FOXN3: variants seen among roughly 807,000 people sequenced by gnomAD.
FOXN3 encodes forkhead box N3, also known as forkhead box protein N3.
A neutral mutation model predicts 38.4 loss-of-function variants in FOXN3; 7 were observed. The observed-to-expected ratio is 0.18, with a 90% confidence interval of 0.10 to 0.34. FOXN3 has a LOEUF of 0.34. Among genes scored for constraint, FOXN3 ranks in the 10% least tolerant of loss-of-function variants. The pLI is 1.00. For synonymous variants in FOXN3, 230 were observed against 242.2 expected (o/e 0.95, Z 0.47); for missense variants, 456 against 613.4 (o/e 0.74, Z 2.71).
At chr14:89,611,618 A>T (rs543476446) in intron 1 of FOXN3, among the ~76,000 whole-genome samples, 44 of 152,068 alleles carry the variant, frequency 2.9e-4, no homozygotes, top group Admixed American at 2.4e-3. Context: ...CATCCTGGTT[A>T]ACACGGTGAA....
At chr14:89,316,078 G>A (rs948619045) in intron 3 of FOXN3, among the ~76,000 whole-genome samples, 1 of 152,194 alleles carries the variant, frequency 6.6e-6, no homozygotes, top group Non-Finnish European at 1.5e-5. Context: ...AATCTGGCTT[G>A]GCCTCTTGAC....
At chr14:89,251,959 A>C (rs1885470492) in intron 4 of FOXN3, among the ~76,000 whole-genome samples, 1 of 152,254 alleles carries the variant, frequency 6.6e-6, no homozygotes, top group Non-Finnish European at 1.5e-5. Context: ...CTTTGCGATA[A>C]ACTAGCTACA....
rs79944894 is a variant in FOXN3, at chr14:89,227,996, C to G, written c.746-47190G>C. On this transcript the variant is annotated intron_variant, in intron 4 of 5. Coordinates refer to ENST00000557258, the MANE Select transcript of FOXN3 (RefSeq NM_005197.4). ...CTCAAGCAATCTTCCCACCTCAGCC[C>G]CCCAAAGTGCTAGTATCACAGGAAT... is the stretch of plus-strand genomic sequence containing the variant. Among the ~76,000 whole-genome samples, 1,167 of 152,294 alleles carry G rather than the reference C, an allele frequency of 7.7e-3. 21 individuals carry two copies. The highest frequency in any genetic ancestry group is 0.027 in the African/African-American group (1,130 of 41,548).
intron 3 of FOXN3, among the ~76,000 whole-genome samples, chr14:89,312,424 T>A (rs772651582): frequency 4.0e-5 from 6 of 150,408 alleles, no homozygotes; most frequent in Non-Finnish European, 5.9e-5. Context: ...CAAAAAAAAA[T>A]CTCTATCAAT....
At chr14:89,432,826 T>G (rs4899993) in intron 1 of FOXN3, among the ~76,000 whole-genome samples, 103,543 of 151,998 alleles carry the variant, frequency 0.68, 35,989 homozygotes, top group Admixed American at 0.79. Context: ...GAGTTTTGCA[T>G]AGCATTCTTC....
At chr14:89,327,274 C>A (rs886167726) in intron 3 of FOXN3, among the ~76,000 whole-genome samples, 1 of 152,104 alleles carries the variant, frequency 6.6e-6, no homozygotes, top group Non-Finnish European at 1.5e-5. Flanking sequence ...ATTTATCTAC[C>A]ATTATTATAT....
chr14:89,471,159 T>A (rs1893087173), intron 1 of FOXN3, among the ~76,000 whole-genome samples: 2 of 152,258 alleles, frequency 1.3e-5, no homozygotes, highest in South Asian at 4.1e-4. Flanking sequence ...GTATGTTTGC[T>A]TGAGTGGCTT....
At chr14:89,258,857 C>T (rs976715761) in intron 4 of FOXN3, among the ~76,000 whole-genome samples, 1 of 152,194 alleles carries the variant, frequency 6.6e-6, no homozygotes, top group Admixed American at 6.5e-5. Flanking sequence ...CAGGCTCATT[C>T]GTCCACACCC....
chr14:89,363,990 T>TATATA (rs1890046505), intron 2 of FOXN3, among the ~76,000 whole-genome samples: 21 of 76,822 alleles, frequency 2.7e-4, no homozygotes, highest in African/African-American at 1.3e-3. Flanking sequence ...ATATATATAA[T>TATATA]ATATATATAT....
chr14:89,291,334 G>A, intron 3 of FOXN3: 1 of 550,334 alleles, frequency 1.8e-6, no homozygotes, highest in Admixed American at 2.0e-5. Flanking sequence ...TTGGTCATGA[G>A]ATGCCATCAG....
chr14:89,248,722 C>T (rs1483317690), intron 4 of FOXN3, among the ~76,000 whole-genome samples: 1 of 152,182 alleles, frequency 6.6e-6, no homozygotes, highest in African/African-American at 2.4e-5. Flanking sequence ...ACTTCCTCCG[C>T]TATAGACATG....
intron 1 of FOXN3, among the ~76,000 whole-genome samples, chr14:89,496,503 TG>T (rs369364241): frequency 1.3e-5 from 2 of 151,912 alleles, no homozygotes; most frequent in Admixed American, 1.3e-4. Context: ...GAAAGATACC[TG>T]GGGGGGTCCT....
At chr14:89,463,979 T>TCA (rs932694365) in intron 1 of FOXN3, among the ~76,000 whole-genome samples, 3 of 152,196 alleles carry the variant, frequency 2.0e-5, no homozygotes, top group Non-Finnish European at 2.9e-5. Context: ...AGGTGGGGTT[T>TCA]CACCATGTTG....
chr14:89,272,376 T>C (rs1451645843), intron 4 of FOXN3, among the ~76,000 whole-genome samples: 1 of 152,088 alleles, frequency 6.6e-6, no homozygotes, highest in Non-Finnish European at 1.5e-5. Context: ...CTGTACACTG[T>C]AAAATCATTA....
chr14:89,402,313 T>C (rs1164078501), intron 2 of FOXN3, among the ~76,000 whole-genome samples: 2 of 152,220 alleles, frequency 1.3e-5, no homozygotes, highest in Non-Finnish European at 2.9e-5. Flanking sequence ...AAGTTTTCCA[T>C]TTAGCATCCT....
chr14:89,473,793 T>C (rs1432375807), intron 1 of FOXN3, among the ~76,000 whole-genome samples: 1 of 152,234 alleles, frequency 6.6e-6, no homozygotes, highest in Non-Finnish European at 1.5e-5. Flanking sequence ...TCTTTGAACA[T>C]TACCATGGGT....
chr14:89,430,958 C>T lies in FOXN3; in HGVS notation c.-14-18468G>A, dbSNP rs576585274. 4.6e-5 allele frequency among the ~76,000 whole-genome samples: 7 copies of T among 152,318 alleles called. No individual in the cohort carries two copies. The South Asian group carries it at 6.2e-4, about 14-fold the overall frequency. On this transcript the variant is annotated intron_variant, in intron 1 of 6. Transcript: ENST00000345097. The stretch of plus-strand genomic sequence containing the variant: ...ATCATGCGTTGCAGGCAAATTAAGA[C>T]CCAGGCTCTAACTTGAACCTCAGAC...
intron 2 of FOXN3, among the ~76,000 whole-genome samples, chr14:89,358,454 C>T (rs1434369207): frequency 2.6e-5 from 4 of 152,190 alleles, no homozygotes; most frequent in Admixed American, 6.5e-5. Flanking sequence ...GATACAGACA[C>T]GGACTAGAGT....
intron 1 of FOXN3, chr14:89,493,864 A>C (rs1893628970): frequency 6.6e-6 from 1 of 152,044 alleles, no homozygotes; most frequent in Admixed American, 6.5e-5. Context: ...CCCTCCAAAA[A>C]AAAAAAAAAT....
Sources: gnomAD v4.1 joint callset for allele counts (sites outside exome capture counted in the v4.1 genomes callset) on GRCh38, gnomAD v4.1.1 for gene constraint, MANE v1.5 for transcripts, NCBI Gene and HGNC (gene_info 2026-07-23, HGNC 2026-07-21) for gene names.